The following ITFG1 variants were observed in gnomAD, a reference collection of about 807,000 sequenced individuals.
The protein encoded by ITFG1 is T-cell immunomodulatory protein.
In ITFG1, 34 loss-of-function variants were observed where a neutral mutation model predicts 81.8. The observed-to-expected ratio is 0.42, with a 90% CI of 0.32 to 0.55. The LOEUF is 0.55. ITFG1 is among the 20% of genes least tolerant of loss of function. The pLI, the probability that ITFG1 is intolerant of heterozygous loss-of-function variation, is 0.17. For missense variants in ITFG1, 672 were observed against 755.4 expected, an observed-to-expected ratio of 0.89 and a Z score of 1.29; for synonymous variants, 285 against 270.6, an observed-to-expected ratio of 1.05 and a Z score of -0.52.
At chr16:47,172,956 A>T (rs1342707602) in intron 14 of ITFG1, among the ~76,000 whole-genome samples, 2 of 151,786 alleles carry the variant, frequency 1.3e-5, no homozygotes, top group Non-Finnish European at 2.9e-5. Flanking sequence ...CTACTCTGTA[A>T]CCTCCCTCTT....
chr16:47,309,012 A>G lies in ITFG1; in HGVS notation c.1070+2228T>C, dbSNP rs77763465. Among the ~76,000 whole-genome samples the G allele has an allele frequency of 6.2e-4, 94 of 152,270 alleles. No homozygotes were observed. The East Asian group carries it at 0.015, about 24-fold the overall frequency. On this transcript the variant is annotated intron_variant, in intron 10 of 17. Coordinates refer to ENST00000320640, the MANE Select transcript of ITFG1 (RefSeq NM_030790.5). The stretch of plus-strand genomic sequence containing the variant: ...GTCACTAGATTAAATTCTCAAAAGA[A>G]GGAAGAAATATTCACTCTATGTGCT...
chr16:47,264,650 A>C (rs1204026368), intron 10 of ITFG1, among the ~76,000 whole-genome samples: 1 of 151,944 alleles, frequency 6.6e-6, no homozygotes, highest in Non-Finnish European at 1.5e-5. Flanking sequence ...GATGACAGTC[A>C]TCTGGTCAAA....
At chr16:47,239,651 GA>G (rs1965912198) in intron 12 of ITFG1, among the ~76,000 whole-genome samples, 1 of 152,080 alleles carries the variant, frequency 6.6e-6, no homozygotes, top group African/African-American at 2.4e-5. Flanking sequence ...ACAACTTGAG[GA>G]AACAGTGAAA....
intron 6 of ITFG1, among the ~76,000 whole-genome samples, chr16:47,386,434 A>G (rs146778396): frequency 3.9e-5 from 6 of 152,284 alleles, no homozygotes; most frequent in Middle Eastern, 6.8e-3. Flanking sequence ...CTTGCGGGGC[A>G]GGCCACCATT....
intron 14 of ITFG1, among the ~76,000 whole-genome samples, chr16:47,182,630 G>C (rs1965142271): frequency 6.6e-6 from 1 of 152,160 alleles, no homozygotes; most frequent in South Asian, 2.1e-4. Flanking sequence ...ATAATGGAAT[G>C]TTTCCTCATT....
At chr16:47,237,770 A>G (rs1264576762) in intron 13 of ITFG1, among the ~76,000 whole-genome samples, 195 bp downstream of exon 13, 2 of 152,190 alleles carry the variant, frequency 1.3e-5, no homozygotes, top group Non-Finnish European at 2.9e-5. Flanking sequence ...GGCTTCATAA[A>G]GACGACCGTT....
intron 6 of ITFG1, among the ~76,000 whole-genome samples, chr16:47,386,035 C>CA (rs1421419581): frequency 2.0e-5 from 3 of 151,960 alleles, no homozygotes; most frequent in Non-Finnish European, 2.9e-5. Flanking sequence ...TTGACTTAAA[C>CA]AAAAAAACAT....
At chr16:47,373,028 T>C (rs1042099225) in intron 7 of ITFG1, among the ~76,000 whole-genome samples, 8 of 152,166 alleles carry the variant, frequency 5.3e-5, no homozygotes, top group African/African-American at 1.9e-4. Context: ...CCTAAAACAA[T>C]AGCTTCTCAG....
intron 14 of ITFG1, among the ~76,000 whole-genome samples, chr16:47,216,249 G>T (rs1378343240): frequency 6.6e-6 from 1 of 151,964 alleles, no homozygotes; most frequent in African/African-American, 2.4e-5. Flanking sequence ...CACCTAGCTG[G>T]AGTGCAATGC....
chr16:47,390,633 T>A (rs933967766), intron 6 of ITFG1, among the ~76,000 whole-genome samples: 4 of 152,062 alleles, frequency 2.6e-5, no homozygotes, highest in African/African-American at 9.7e-5. Flanking sequence ...CTAATTTTTT[T>A]ATTTTTAGTA....
At chr16:47,190,489 G>A (rs1176642349) in intron 14 of ITFG1, among the ~76,000 whole-genome samples, 2 of 152,206 alleles carry the variant, frequency 1.3e-5, no homozygotes, top group Non-Finnish European at 2.9e-5. Flanking sequence ...CTTTAGCAAA[G>A]TCAGTTCTTT....
chr16:47,198,830 A>C (rs1410840941), intron 14 of ITFG1, among the ~76,000 whole-genome samples: 2 of 152,240 alleles, frequency 1.3e-5, no homozygotes, highest in Non-Finnish European at 2.9e-5. Context: ...ACATTAAAAA[A>C]AATTTTTGTA....
At chr16:47,358,788 T>C (rs1296758682) in intron 8 of ITFG1, among the ~76,000 whole-genome samples, 2 of 152,230 alleles carry the variant, frequency 1.3e-5, no homozygotes, top group Non-Finnish European at 2.9e-5. Context: ...TTTAATATTA[T>C]TCATTAGTAT....
At chr16:47,245,214 T>G (rs1472502811) in intron 12 of ITFG1, among the ~76,000 whole-genome samples, 1 of 151,820 alleles carries the variant, frequency 6.6e-6, no homozygotes, top group Admixed American at 6.6e-5. Context: ...CCAGGCATGG[T>G]GGTGTGTGCC....
In ITFG1 at chr16:47,162,468, A is replaced by G. The variant is rs1195020388; in HGVS notation, c.1578+72T>C. 7 of 1,228,266 alleles carry G rather than the reference A, an allele frequency of 5.7e-6. No individual in the cohort carries two copies. The African/African-American group carries it at 1.1e-4, about 19-fold the overall frequency. The allele number at this position is 1,228,266 out of a possible 1,614,324, so 76.1% of individuals were successfully genotyped here. The stretch of plus-strand genomic sequence containing the variant: ...ATTCAAATTCAATTAGGTTCAAATT[A>G]TTTAATTTAAATACTTAAATAGTGA... On this transcript the variant is annotated intron_variant, in intron 15 of 17. Transcript: ENST00000320640.
chr16:47,323,660 C>T (rs1967483666), intron 8 of ITFG1, among the ~76,000 whole-genome samples: 1 of 151,906 alleles, frequency 6.6e-6, no homozygotes, highest in Non-Finnish European at 1.5e-5. Context: ...GCAGTCATGA[C>T]CTATTCTTTT....
At chr16:47,438,864 G>A (rs896782364) in intron 5 of ITFG1, among the ~76,000 whole-genome samples, 2 of 152,184 alleles carry the variant, frequency 1.3e-5, no homozygotes, top group African/African-American at 2.4e-5. Flanking sequence ...AGAGAGGAAG[G>A]CTTCAGAAGA....
At position 47,319,411 on chromosome 16, in the gene ITFG1, C is replaced by G. The variant is rs1967414527; in HGVS notation, c.803-5588G>C. Reference sequence around the variant, plus strand: ...CCATCAACTACCGAAGCTGGAATAACAGTAGCTTGTCTGTCAAGTTGTTCT... The same window carrying G: ...CCATCAACTACCGAAGCTGGAATAAGAGTAGCTTGTCTGTCAAGTTGTTCT... On this transcript the variant is annotated intron_variant, in intron 8 of 17. Transcript: ENST00000320640. Among the ~76,000 whole-genome samples, 3 of 152,300 alleles carry G rather than the reference C, an allele frequency of 2.0e-5. No individual in the cohort carries two copies. The South Asian group carries it at 6.2e-4, about 32-fold the overall frequency.
At chr16:47,277,428 C>T (rs1304199284) in intron 10 of ITFG1, among the ~76,000 whole-genome samples, 5 of 152,150 alleles carry the variant, frequency 3.3e-5, no homozygotes, top group Admixed American at 2.6e-4. Context: ...GGGTTTGCAT[C>T]CCACGAATAC....
Sources: gnomAD v4.1 joint callset for allele counts (sites outside exome capture counted in the v4.1 genomes callset) on GRCh38, gnomAD v4.1.1 for gene constraint, MANE v1.5 for transcripts, NCBI Gene and HGNC (gene_info 2026-07-23, HGNC 2026-07-21) for gene names.